The following TIAM1 variants were observed in gnomAD, a reference collection of about 807,000 sequenced individuals.
TIAM1 encodes the protein rho guanine nucleotide exchange factor TIAM1.
A neutral mutation model predicts 163.5 loss-of-function variants in TIAM1; 65 were observed. That is an observed-to-expected ratio of 0.40 (90% confidence interval 0.33 to 0.49). The LOEUF is 0.49. Among genes scored for constraint, TIAM1 ranks in the 20% least tolerant of loss-of-function variants. The pLI is 0.77. For synonymous variants in TIAM1, 833 were observed against 810.1 expected, an observed-to-expected ratio of 1.03 and a Z score of -0.48; for missense variants, 1,789 against 2,044.7, an observed-to-expected ratio of 0.87 and a Z score of 2.41.
intron 12 of TIAM1, among the ~76,000 whole-genome samples, chr21:31,197,951 G>A (rs772566532): frequency 1.3e-5 from 2 of 151,856 alleles, no homozygotes; most frequent in Non-Finnish European, 2.9e-5. Context: ...GGGTATGAAC[G>A]CAAAGGGAAC....
chr21:31,297,356 A>G (rs906117923), intron 2 of TIAM1, among the ~76,000 whole-genome samples: 3 of 152,294 alleles, frequency 2.0e-5, no homozygotes, highest in Non-Finnish European at 1.5e-5. Flanking sequence ...AGACGAAAAG[A>G]GTTCTGGAGA....
intron 1 of TIAM1, among the ~76,000 whole-genome samples, chr21:31,500,337 G>A (rs1233498942): frequency 1.3e-5 from 2 of 152,074 alleles, no homozygotes; most frequent in Non-Finnish European, 2.9e-5. Context: ...GTTTTCTCTG[G>A]AAAGAACAAC....
chr21:31,239,672 C>T (rs889211963), intron 6 of TIAM1, among the ~76,000 whole-genome samples: 1 of 151,892 alleles, frequency 6.6e-6, no homozygotes, highest in African/African-American at 2.4e-5. Context: ...ACACAAAGAG[C>T]TGCCATAAAT....
intron 10 of TIAM1, among the ~76,000 whole-genome samples, chr21:31,210,657 GAAAGAAA>G (rs2086752469): frequency 4.6e-5 from 1 of 21,726 alleles, no homozygotes; most frequent in African/African-American, 2.2e-4. Flanking sequence ...AAGAAAGAAA[GAAAGAAA>G]GAAAAAGAAA....
At chr21:31,145,779 G>T (rs1171946560) in intron 20 of TIAM1, among the ~76,000 whole-genome samples, 1 of 149,266 alleles carries the variant, frequency 6.7e-6, no homozygotes, top group Non-Finnish European at 1.5e-5. Context: ...CCACAAAAAG[G>T]TATACGGTAA....
chr21:31,295,077 C>T (rs1287704652), intron 2 of TIAM1, among the ~76,000 whole-genome samples: 2 of 152,160 alleles, frequency 1.3e-5, no homozygotes, highest in African/African-American at 4.8e-5. Flanking sequence ...TCAACTCAAC[C>T]CCATTCACTG....
At chr21:31,402,050 T>C (rs1425277418) in intron 2 of TIAM1, among the ~76,000 whole-genome samples, 1 of 151,592 alleles carries the variant, frequency 6.6e-6, no homozygotes, top group Admixed American at 6.6e-5. Flanking sequence ...CCGTCTCTAC[T>C]AAAATACAAA....
At position 31,408,999 on chromosome 21, in the gene TIAM1, C is replaced by CA. The variant is rs542619588; in HGVS notation, c.-369+54983_-369+54984insT. On this transcript the variant is annotated intron_variant, in intron 2 of 28. Coordinates refer to the TIAM1 transcript ENST00000286827. ...TCACCTGTGTCACCCACATGCCCCC[C>CA]CCTCCAGGCTTCATCAGTGCGGTGG... is the stretch of plus-strand genomic sequence containing the variant. Among the ~76,000 whole-genome samples the CA allele has an allele frequency of 1.2e-4, 18 of 152,316 alleles. No homozygotes were observed. In the East Asian group the frequency reaches 3.5e-3, roughly 29 times the overall value.
chr21:31,345,245 T>C (rs1225684004), upstream of TIAM1, among the ~76,000 whole-genome samples: 9 of 152,110 alleles, frequency 5.9e-5, no homozygotes, highest in Admixed American at 2.0e-4. Flanking sequence ...TTAAAAGCTG[T>C]GCCAAAAACT....
intron 3 of TIAM1, among the ~76,000 whole-genome samples, chr21:31,270,561 C>G (rs926438023): frequency 1.3e-5 from 2 of 152,200 alleles, no homozygotes; most frequent in Non-Finnish European, 2.9e-5. Flanking sequence ...GAACAACTCT[C>G]CATATTCAAA....
intron 25 of TIAM1, among the ~76,000 whole-genome samples, chr21:31,127,479 T>G (rs1485784059): frequency 6.6e-6 from 1 of 151,278 alleles, no homozygotes; most frequent in African/African-American, 2.4e-5. Context: ...AGTGCGGTGG[T>G]GTGATCTCAG....
chr21:31,126,429 T>C (rs981837285), intron 26 of TIAM1, among the ~76,000 whole-genome samples: 2 of 152,044 alleles, frequency 1.3e-5, no homozygotes, highest in Non-Finnish European at 2.9e-5. Flanking sequence ...TAGCTGGGCA[T>C]GGTGGCACAT....
chr21:31,211,464 A>G (rs2833338), intron 10 of TIAM1, among the ~76,000 whole-genome samples: 15,033 of 152,228 alleles, frequency 0.099, 2,323 homozygotes, highest in African/African-American at 0.33. Context: ...ATATGTATCT[A>G]CTGATGACCA....
chr21:31,245,409 A>T, intron 6 of TIAM1, 79 bp downstream of exon 6: 18 of 548,060 alleles, frequency 3.3e-5, no homozygotes, highest in Non-Finnish European at 3.9e-5. Flanking sequence ...CAGTGGAGGG[A>T]GACTGGGTGC....
At chr21:31,151,689 A>G (rs894231036) in intron 19 of TIAM1, among the ~76,000 whole-genome samples, 1 of 152,124 alleles carries the variant, frequency 6.6e-6, no homozygotes, top group Non-Finnish European at 1.5e-5. Flanking sequence ...AATTCATCAA[A>G]TTCCACACTA....
Position 31,192,856 on chromosome 21 carries a change from A to T in TIAM1, c.2575+2368T>A, listed in dbSNP as rs60409745. Among the ~76,000 whole-genome samples the T allele has an allele frequency of 3.7e-3, 570 of 152,260 alleles. 5 individuals carry two copies. The highest frequency in any genetic ancestry group is 0.013 in the African/African-American group (520 of 41,552). On this transcript the variant is annotated intron_variant, in intron 13 of 27. Coordinates refer to ENST00000541036, the MANE Select transcript of TIAM1 (RefSeq NM_001353694.2). ...TCTGCAGAGTGACAAGCACTGTCCC[A>T]GGTGGCAGCTGCTCCAGACCTGGGT...
chr21:31,451,698 T>TCTGGGAGAAACTCACTACCAGACA (rs140594128), intron 2 of TIAM1, among the ~76,000 whole-genome samples: 1 of 149,720 alleles, frequency 6.7e-6, no homozygotes, highest in Non-Finnish European at 1.5e-5. Context: ...GGCACCAGGC[T>TCTGGGAGAAACTCACTACCAGACA]GAGTGAAAGC....
chr21:31,461,088 C>A (rs752635794), intron 2 of TIAM1, among the ~76,000 whole-genome samples: 3 of 152,012 alleles, frequency 2.0e-5, no homozygotes, highest in Non-Finnish European at 2.9e-5. Context: ...TGGGGAACTC[C>A]CGACCAAACA....
chr21:31,549,961 T>C (rs11702464), intron 1 of TIAM1, among the ~76,000 whole-genome samples: 144 of 152,070 alleles, frequency 9.5e-4, no homozygotes, highest in Middle Eastern at 6.8e-3. Flanking sequence ...CTGTCTCTAC[T>C]AAAAACACAA....
Sources: gnomAD v4.1 joint callset for allele counts (sites outside exome capture counted in the v4.1 genomes callset) on GRCh38, gnomAD v4.1.1 for gene constraint, MANE v1.5 for transcripts, NCBI Gene and HGNC (gene_info 2026-07-23, HGNC 2026-07-21) for gene names.